Variants in TDRD12 observed in about 807,000 individuals in gnomAD.
The protein encoded by TDRD12 is tudor domain containing 12.
Under a neutral mutation model 133.5 loss-of-function variants are expected in TDRD12, and 158 were observed. The ratio of observed to expected loss-of-function variants is 1.18; its 90% CI spans 1.04 to 1.35. The LOEUF (loss-of-function observed/expected upper bound fraction) is 1.35. Among genes scored for constraint, TDRD12 ranks in the 40% most tolerant of loss-of-function variants. The probability of loss-of-function intolerance (pLI) is 0.00; values close to 1 mark genes in which losing one functional copy is unlikely to be tolerated. For missense variants in TDRD12, 1,443 were observed against 1,321.3 expected, an observed-to-expected ratio of 1.09 and a Z score of -1.43; for synonymous variants, 460 against 477.9, an observed-to-expected ratio of 0.96 and a Z score of 0.49.
intron 21 of TDRD12, among the ~76,000 whole-genome samples, 155 bp downstream of exon 21, chr19:32,803,297 C>T (rs564524913): frequency 6.6e-6 from 1 of 152,332 alleles, no homozygotes; most frequent in African/African-American, 2.4e-5. Flanking sequence ...CACGTGCCCT[C>T]CCCTCTGCAG....
At chr19:32,742,735 T>C in intron 3 of TDRD12, 46 bp from the exon 4 acceptor site, 2 of 1,524,298 alleles carry the variant, frequency 1.3e-6, no homozygotes, top group Non-Finnish European at 1.8e-6. Flanking sequence ...GAGTATGTTA[T>C]ATATAATTTT....
At chr19:32,744,492 T>C (rs1163546037) in intron 4 of TDRD12, among the ~76,000 whole-genome samples, 1 of 90,100 alleles carries the variant, frequency 1.1e-5, no homozygotes, top group Non-Finnish European at 1.9e-5. Flanking sequence ...AGAGTGAGAC[T>C]CCGTCTCAAA....
chr19:32,774,855 G>A (rs1191954998), intron 10 of TDRD12, among the ~76,000 whole-genome samples: 1 of 151,946 alleles, frequency 6.6e-6, no homozygotes, highest in African/African-American at 2.4e-5. Flanking sequence ...CGTGGTGGCA[G>A]GTGCCTGTAA....
intron 1 of TDRD12, among the ~76,000 whole-genome samples, chr19:32,725,314 AT>A (rs540012106): frequency 4.9e-4 from 73 of 148,438 alleles, no homozygotes; most frequent in Admixed American, 1.0e-3. Flanking sequence ...TATTGCCTAG[AT>A]TTTTTTCTAG....
At chr19:32,774,184 C>G (rs539125830) in intron 10 of TDRD12, among the ~76,000 whole-genome samples, 2 of 152,200 alleles carry the variant, frequency 1.3e-5, no homozygotes, top group Non-Finnish European at 2.9e-5. Flanking sequence ...ACACACTTCC[C>G]CTCGTGTCGT....
At chr19:32,803,334 T>C (rs1971455334) in intron 21 of TDRD12, among the ~76,000 whole-genome samples, 192 bp downstream of exon 21, 1 of 152,214 alleles carries the variant, frequency 6.6e-6, no homozygotes, top group African/African-American at 2.4e-5. Flanking sequence ...TAACTTTGCA[T>C]GATTTTGAAC....
intron 6 of TDRD12, among the ~76,000 whole-genome samples, chr19:32,755,448 G>C (rs1969964674): frequency 6.6e-6 from 1 of 152,248 alleles, no homozygotes; most frequent in South Asian, 2.1e-4. Flanking sequence ...TTTCCCTAAT[G>C]ATGGTTTTAT....
At chr19:32,731,401 A>G (rs118089721) in intron 1 of TDRD12, among the ~76,000 whole-genome samples, 2,043 of 151,776 alleles carry the variant, frequency 0.013, 26 homozygotes, top group Non-Finnish European at 0.022. Flanking sequence ...TTTTTTTTTT[A>G]ATTAAAAAAA....
At chr19:32,720,246 CTACACA>C in intron 1 of TDRD12, 150 bp downstream of exon 1, 1 of 689,944 alleles carries the variant, frequency 1.4e-6, no homozygotes, top group Non-Finnish European at 2.4e-6. Flanking sequence ...GACCCCAACC[CTACACA>C]GCCCCCACCC....
At chr19:32,737,756 A>T (rs964401965) in intron 2 of TDRD12, among the ~76,000 whole-genome samples, 2 of 152,206 alleles carry the variant, frequency 1.3e-5, no homozygotes, top group African/African-American at 4.8e-5. Flanking sequence ...ATTTGGCAGT[A>T]AACAAAACAG....
At chr19:32,805,392 G>GAAAAAAGA (rs1446157126) in intron 21 of TDRD12, among the ~76,000 whole-genome samples, 1 of 148,996 alleles carries the variant, frequency 6.7e-6, no homozygotes, top group East Asian at 1.9e-4. Flanking sequence ...CCAAAAAAAA[G>GAAAAAAGA]AAAAAAGAAA....
At chr19:32,787,761 G>T (rs1468023169) in intron 11 of TDRD12, among the ~76,000 whole-genome samples, 1 of 152,242 alleles carries the variant, frequency 6.6e-6, no homozygotes, top group Non-Finnish European at 1.5e-5. Flanking sequence ...GCACAGGAGG[G>T]AATCTCCTGG....
intron 2 of TDRD12, among the ~76,000 whole-genome samples, chr19:32,736,500 T>G (rs1969228503): frequency 6.6e-6 from 1 of 152,248 alleles, no homozygotes; most frequent in Non-Finnish European, 1.5e-5. Context: ...TTTTGAAGGT[T>G]GGCTGGCTGT....
At chr19:32,801,868 T>C (rs1377927668) in exon 19 of TDRD12, 6 of 1,259,800 alleles carry the variant, frequency 4.8e-6, no homozygotes, top group Non-Finnish European at 4.4e-6. Context: ...TCTCAAATTA[T>C]ATTAGGTAAG....
At chr19:32,817,362 G>A (rs1317622950) in intron 26 of TDRD12, among the ~76,000 whole-genome samples, 2 of 151,750 alleles carry the variant, frequency 1.3e-5, no homozygotes, top group African/African-American at 4.8e-5. Flanking sequence ...AAGTGGAATC[G>A]TCCACTGTTT....
Position 32,794,820 on chromosome 19 carries a change from C to A in TDRD12, c.1473+7C>A. On this transcript the variant is annotated splice_region_variant and intron_variant, in intron 14 of 27. Transcript: ENST00000444215. ...ATTACCAAGTAGAAATGGAGTAAGT[C>A]AAAGACAGTTTTGCCTCACAACCAA... is the stretch of plus-strand genomic sequence containing the variant. The A allele has an allele frequency of 2.9e-6, 2 of 701,732 alleles. No individual in the cohort carries two copies. Among genetic ancestry groups the A allele is most frequent in the South Asian group, 3.0e-5 (2 of 67,462 alleles). The allele number at this position is 701,732 out of a possible 1,614,324, so 43.5% of individuals were successfully genotyped here. A position where few individuals can be genotyped will look rare whatever the true frequency, so the allele number is the denominator to read the frequency against.
intron 8 of TDRD12, among the ~76,000 whole-genome samples, chr19:32,771,262 C>A (rs1456595617): frequency 1.3e-5 from 2 of 152,158 alleles, no homozygotes; most frequent in Non-Finnish European, 2.9e-5. Context: ...CCTCCACTTC[C>A]CAGGTTCAAG....
chr19:32,762,849 A>C (rs1264020282), intron 8 of TDRD12, among the ~76,000 whole-genome samples: 3 of 152,230 alleles, frequency 2.0e-5, no homozygotes. Flanking sequence ...CAAACATCAT[A>C]GGGTGTACTT....
intron 10 of TDRD12, among the ~76,000 whole-genome samples, chr19:32,776,287 C>G (rs79339367): frequency 6.6e-6 from 1 of 152,150 alleles, no homozygotes; most frequent in Non-Finnish European, 1.5e-5. Flanking sequence ...ATTTTCCTCA[C>G]GCAGTCTTTG....
Sources: gnomAD v4.1 joint callset for allele counts (sites outside exome capture counted in the v4.1 genomes callset) on GRCh38, gnomAD v4.1.1 for gene constraint, MANE v1.5 for transcripts, NCBI Gene and HGNC (gene_info 2026-07-23, HGNC 2026-07-21) for gene names.